Variants in TEX50 observed in about 807,000 individuals in gnomAD.
TEX50 encodes testis expressed 50, also known as testis-expressed protein 50.
In TEX50, 3 loss-of-function variants were observed where a neutral mutation model predicts 9.8. That is an observed-to-expected ratio of 0.31 (90% CI 0.14 to 0.79). The LOEUF (loss-of-function observed/expected upper bound fraction) is 0.79. Among genes scored for constraint, TEX50 ranks in the 30% least tolerant of loss-of-function variants. The probability of loss-of-function intolerance (pLI) is 0.63; values close to 1 mark genes in which losing one functional copy is unlikely to be tolerated. For missense variants in TEX50, 164 were observed against 199.3 expected (o/e 0.82, Z 1.07); for synonymous variants, 61 against 72.1 (o/e 0.85, Z 0.78).
intron 1 of TEX50, among the ~76,000 whole-genome samples, chr1:173,636,432 A>G (rs1320066534): frequency 6.6e-6 from 1 of 152,206 alleles, no homozygotes; most frequent in Non-Finnish European, 1.5e-5. Context: ...AACCTCATTG[A>G]CCTTCAGAAG....
intron 1 of TEX50, among the ~76,000 whole-genome samples, chr1:173,636,565 C>A (rs917561467): frequency 6.6e-6 from 1 of 152,110 alleles, no homozygotes; most frequent in African/African-American, 2.4e-5. Context: ...CAAGAGAGTA[C>A]CCTAAACATA....
At chr1:173,635,963 A>G in intron 1 of TEX50, 118 bp downstream of exon 1, 1 of 739,784 alleles carries the variant, frequency 1.4e-6, no homozygotes, top group Non-Finnish European at 2.1e-6. Flanking sequence ...CCTTCCCCCA[A>G]CTTCCCATTC....
intron 1 of TEX50, 75 bp downstream of exon 1, chr1:173,635,920 A>T (rs1052199656): frequency 1.5e-5 from 17 of 1,125,100 alleles, no homozygotes; most frequent in Admixed American, 2.7e-5. Flanking sequence ...AGTTTCTTTG[A>T]GAGAGGGTAC....
chr1:173,635,714 G>A lies in TEX50; in HGVS notation c.193G>A (p.Asp65Asn), dbSNP rs952796813. The change falls in exon 1 of 2, where the codon GAC (aspartate) becomes AAC (asparagine). Residue 65 changes from aspartate (D) to asparagine (N), a missense_variant. Physicochemically the swap from Asp to Asn is conservative, Grantham distance 23 (BLOSUM62 1). This residue lies in a region of TEX50 where 135 missense variants were observed against 154.2 expected (regional missense o/e 0.88). Coordinates refer to ENST00000417563, the MANE Select transcript of TEX50 (RefSeq NM_001195190.3). ...LPYLLDKLCC[D>N]FANMDIFQGC... ...TTATCTTCTGGATAAACTATGCTGC[G>A]ACTTTGCTAACATGGATATATTTCA... The A allele has an allele frequency of 2.6e-6, 4 of 1,535,498 alleles. No individual in the cohort carries two copies. The highest frequency in any genetic ancestry group is 3.5e-6 in the Non-Finnish European group (4 of 1,146,548).
intron 1 of TEX50, among the ~76,000 whole-genome samples, chr1:173,636,232 T>C (rs769835287): frequency 5.3e-5 from 8 of 152,176 alleles, no homozygotes; most frequent in Non-Finnish European, 1.2e-4. Flanking sequence ...CCCTTTCAGA[T>C]GTATCTAAGA....
chr1:173,635,688 C>T lies in TEX50; in HGVS notation c.167C>T (p.Pro56Leu), dbSNP rs769916102. The change falls in exon 1 of 2, where the codon CCT becomes CTT. Residue 56 changes from proline (P) to leucine (L), a missense_variant. Pro to Leu is a moderately conservative substitution (Grantham distance 98). This residue lies in a region of TEX50 where 135 missense variants were observed against 154.2 expected (regional missense o/e 0.88). Transcript: ENST00000417563. ...AAGGGTTCTCCATCTCACTGCCTGCCTTATCTTCTGGATAAACTATGCTGC... is the reference window on the plus strand; with the variant it reads ...AAGGGTTCTCCATCTCACTGCCTGCTTTATCTTCTGGATAAACTATGCTGC... ...KVKGSPSHCL[P>L]YLLDKLCCDF... The T allele has an allele frequency of 6.5e-7, 1 of 1,535,704 alleles. No individual in the cohort carries two copies. Among genetic ancestry groups the T allele is most frequent in the South Asian group, 1.2e-5 (1 of 84,056 alleles).
At position 173,635,666 on chromosome 1, in the gene TEX50, G is replaced by A; in HGVS notation, c.145G>A (p.Gly49Ser). Reference protein sequence around the residue: ...PEEVHYWKVKGSPSHCLPYLL... With the variant: ...PEEVHYWKVKSSPSHCLPYLL... Reference sequence around the variant, plus strand: ...AGAAGTACATTATTGGAAAGTTAAGGGTTCTCCATCTCACTGCCTGCCTTA... The same window carrying A: ...AGAAGTACATTATTGGAAAGTTAAGAGTTCTCCATCTCACTGCCTGCCTTA... The change falls in exon 1 of 2, where the codon GGT becomes AGT. Residue 49 changes from glycine (G) to serine (S), a missense_variant. Transcript: ENST00000417563. The A allele has an allele frequency of 2.6e-6, 4 of 1,535,428 alleles. No individual in the cohort carries two copies. Among genetic ancestry groups the A allele is most frequent in the South Asian group, 1.2e-5 (1 of 84,032 alleles).
At position 173,636,878 on chromosome 1, in the gene TEX50, T is replaced by C. The variant is rs1342637858; in HGVS notation, c.376T>C (p.Leu126=). 3.3e-6 allele frequency: 5 copies of C among 1,535,780 alleles called. No individual in the cohort carries two copies. The highest frequency in any genetic ancestry group is 1.4e-5 in the African/African-American group (1 of 73,036). The change falls in exon 2 of 2, where the codon TTG becomes CTG. Residue 126 remains leucine (L), a synonymous_variant. Transcript: ENST00000417563. ...ACCTGGTAATGATCTAGAAAGCCCA[T>C]TGATCAACAACATTGACCAAACACT... The part of the protein sequence containing the change: ...EKPGNDLESP[L]INNIDQTLHR...
Sources: allele counts gnomAD v4.1 joint callset (sites outside exome capture counted in the v4.1 genomes callset), GRCh38; gene constraint gnomAD v4.1.1; regional missense constraint gnomAD v4.1.1; transcripts MANE v1.5; gene names NCBI Gene and HGNC (gene_info 2026-07-23, HGNC 2026-07-21).